Variants in DCAF1 observed in about 807,000 individuals in gnomAD.
DCAF1 encodes the protein DDB1- and CUL4-associated factor 1.
DCAF1 carries 15 observed loss-of-function variants against 128.0 expected under a neutral mutation model. The ratio of observed to expected loss-of-function variants is 0.12; its 90% confidence interval spans 0.08 to 0.18. DCAF1 has a LOEUF of 0.18. Ranked by LOEUF, DCAF1 falls within the 10% of genes least tolerant of loss-of-function variation. The probability of loss-of-function intolerance (pLI) is 1.00; values close to 1 mark genes in which losing one functional copy is unlikely to be tolerated. For missense variants in DCAF1, 988 were observed against 1,649.5 expected (o/e 0.60, Z 6.95); for synonymous variants, 610 against 603.0 (o/e 1.01, Z -0.17).
upstream of DCAF1, among the ~76,000 whole-genome samples, chr3:51,504,075 T>C (rs1197887448): frequency 2.0e-5 from 3 of 150,598 alleles, no homozygotes; most frequent in Non-Finnish European, 3.0e-5. Context: ...TCTGGCTCTG[T>C]CGCCCAGGCT....
In DCAF1 at chr3:51,477,461, C is replaced by CA. The variant is rs1249028437; in HGVS notation, c.110+6257dup. Among the ~76,000 whole-genome samples, 866 of 90,770 alleles carry CA rather than the reference C, an allele frequency of 9.5e-3. 4 individuals are homozygous for CA. Among genetic ancestry groups the CA allele is most frequent in the African/African-American group, 0.023 (554 of 24,252 alleles). The allele number at this position is 90,770 out of a possible 152,430, so 59.5% of individuals were successfully genotyped here. ...GCAACCTGGCAAAATCCTGTCTCTA[C>CA]AAAAAAAAAAAAAAATACAAAAATT... On this transcript the variant is annotated intron_variant, in intron 3 of 24. Coordinates refer to ENST00000684031, the MANE Select transcript of DCAF1 (RefSeq NM_001387579.1).
At chr3:51,412,665 GAA>G (rs1189024281) in intron 22 of DCAF1, among the ~76,000 whole-genome samples, 185 bp from the exon 23 acceptor site, 2 of 152,146 alleles carry the variant, frequency 1.3e-5, no homozygotes, top group South Asian at 4.1e-4. Flanking sequence ...AAAACAGAAT[GAA>G]AAGACTTGGT....
the DCAF1 span, among the ~76,000 whole-genome samples, chr3:51,505,060 G>A: frequency 4.6e-5 from 7 of 152,008 alleles, no homozygotes; most frequent in East Asian, 1.9e-4. Context: ...TCGAGAGTTC[G>A]AGACCAGCCT....
chr3:51,484,483 A>G (rs1706676901), intron 2 of DCAF1, among the ~76,000 whole-genome samples: 2 of 151,888 alleles, frequency 1.3e-5, no homozygotes, highest in Admixed American at 1.3e-4. Context: ...AAAAAGAAAA[A>G]AAAATAGATT....
chr3:51,485,945 G>A (rs977595692), intron 2 of DCAF1, among the ~76,000 whole-genome samples: 2 of 150,396 alleles, frequency 1.3e-5, no homozygotes, highest in South Asian at 2.1e-4. Context: ...AGGCTGGAGC[G>A]CAGTGGCGCC....
chr3:51,500,621 C>T (rs1708754209), upstream of DCAF1, among the ~76,000 whole-genome samples: 1 of 151,876 alleles, frequency 6.6e-6, no homozygotes, highest in South Asian at 2.1e-4. Flanking sequence ...TCACTATGAC[C>T]TCCGCCTCCC....
downstream of DCAF1, chr3:51,396,233 C>T (rs571227665): frequency 2.3e-4 from 67 of 288,106 alleles, no homozygotes; most frequent in Admixed American, 3.5e-3. Context: ...TGCTAGAAAA[C>T]GTGCCTAGAG....
rs2106697267 is a variant in DCAF1 at position 51,397,867 on chromosome 3, T to C, written c.*902A>G. 1 of 167,100 alleles carries C rather than the reference T, an allele frequency of 6.0e-6. No homozygotes were observed. The allele number at this position is 167,100 out of a possible 1,614,324, so 10.4% of individuals were successfully genotyped here. A position where few individuals can be genotyped will look rare whatever the true frequency, so the allele number is the denominator to read the frequency against. ...AACAAAGACAGACTTGTAGTTTATTTTGTATTTTTTTTAAATAAATACACT... is the reference window on the plus strand; with the variant it reads ...AACAAAGACAGACTTGTAGTTTATTCTGTATTTTTTTTAAATAAATACACT... On this transcript the variant is annotated 3_prime_UTR_variant, in exon 25 of 25. Coordinates refer to ENST00000684031, the MANE Select transcript of DCAF1 (RefSeq NM_001387579.1).
At chr3:51,483,575 C>T in intron 3 of DCAF1, 144 bp downstream of exon 3, 1 of 596,520 alleles carries the variant, frequency 1.7e-6, no homozygotes, top group Non-Finnish European at 3.0e-6. Flanking sequence ...CTATGCTATT[C>T]TCCACACCAA....
At position 51,420,134 on chromosome 3, in the gene DCAF1, A is replaced by G. The variant is rs202243426; in HGVS notation, c.2836T>C (p.Ser946Pro). The change falls in exon 15 of 25, where the codon TCT becomes CCT. Residue 946 changes from serine (S) to proline (P), a missense_variant. Physicochemically the swap from Ser to Pro is moderately conservative, Grantham distance 74 (BLOSUM62 -1). Around this residue, in one of 11 missense-constraint regions of DCAF1, gnomAD observed 88 missense variants for 107.7 expected, o/e 0.82. Transcript: ENST00000684031. The surrounding 1 kb of genome is among the most constrained non-coding windows in gnomAD (Gnocchi z 6.5). The part of the protein sequence containing the change: ...PQGPLALPGP[S>P]YAGNSPLIGR... ...ATCAAAGGGGAGTTGCCTGCATAAG[A>G]TGGGCCGGGCAGAGCTAGCGGACCC... 73 of 1,613,896 alleles carry G rather than the reference A, an allele frequency of 4.5e-5. 1 individual carries two copies. Among genetic ancestry groups the G allele is most frequent in the Non-Finnish European group, 3.6e-5 (43 of 1,179,900 alleles).
rs2107352154 is a variant in DCAF1 at position 51,420,706 on chromosome 3, C to T, written c.2264G>A (p.Arg755Gln). ...CACTAGGGCTTTGCAGGCCAGGGCC[C>T]GGATTTGGTCTGCATCTGTGATGGG... ...KMPITDADQI[R>Q]ALACKALVGL... Residue 755 changes from arginine to glutamine, a missense_variant, in exon 15 of 25, where the codon CGG (arginine) becomes CAG (glutamine). Coordinates refer to ENST00000684031, the MANE Select transcript of DCAF1 (RefSeq NM_001387579.1). This position sits in a 1 kb window ranked among gnomAD's most constrained non-coding sequence, Gnocchi z 6.5. 1 of 1,614,032 alleles carries T rather than the reference C, an allele frequency of 6.2e-7. No individual in the cohort carries two copies. Among genetic ancestry groups the T allele is most frequent in the Non-Finnish European group, 8.5e-7 (1 of 1,179,906 alleles).
At chr3:51,446,363 A>G (rs1701853044) in intron 6 of DCAF1, among the ~76,000 whole-genome samples, 1 of 152,190 alleles carries the variant, frequency 6.6e-6, no homozygotes, top group African/African-American at 2.4e-5. Context: ...CTGTAATCCT[A>G]ATGCTTTGGG....
At chr3:51,423,239 C>G (rs1699579535) in intron 13 of DCAF1, among the ~76,000 whole-genome samples, 1 of 152,142 alleles carries the variant, frequency 6.6e-6, no homozygotes. Flanking sequence ...TGCCTGTAAT[C>G]CTAGTGCTTT....
intron 12 of DCAF1, 64 bp from the exon 13 acceptor site, chr3:51,427,605 G>A (rs1700013775): frequency 4.2e-6 from 2 of 472,074 alleles, no homozygotes; most frequent in South Asian, 9.6e-5. Flanking sequence ...CTACCTCCTT[G>A]AGCACAGCTC....
At chr3:51,412,893 T>G (rs1420069156) in intron 22 of DCAF1, 100 bp downstream of exon 22, 2 of 1,521,876 alleles carry the variant, frequency 1.3e-6, no homozygotes, top group Non-Finnish European at 1.8e-6. Flanking sequence ...AGGAATGTAT[T>G]GACTTTACAT....
chr3:51,490,463 TG>T (rs1217139444), intron 2 of DCAF1, among the ~76,000 whole-genome samples: 1 of 152,100 alleles, frequency 6.6e-6, no homozygotes, highest in Non-Finnish European at 1.5e-5. Context: ...ACACAAGACT[TG>T]TATGCTGAAA....
At chr3:51,406,787 T>C (rs1200363532) in intron 23 of DCAF1, among the ~76,000 whole-genome samples, 1 of 152,162 alleles carries the variant, frequency 6.6e-6, no homozygotes, top group Non-Finnish European at 1.5e-5. Flanking sequence ...CAGACACTTT[T>C]CTCATCCCCA....
At chr3:51,433,652 G>C (rs1056378412) in intron 9 of DCAF1, among the ~76,000 whole-genome samples, 2 of 151,292 alleles carry the variant, frequency 1.3e-5, no homozygotes, top group Admixed American at 1.3e-4. Flanking sequence ...TAGTAGAGAC[G>C]GGGTTTCACC....
chr3:51,418,245 G>A, intron 16 of DCAF1, 47 bp from the exon 17 acceptor site: 2 of 1,565,872 alleles, frequency 1.3e-6, no homozygotes, highest in Admixed American at 3.9e-5. Context: ...TTACATACAT[G>A]CAGATGTCAC....
Sources: gnomAD v4.1 joint callset for allele counts (sites outside exome capture counted in the v4.1 genomes callset) on GRCh38, gnomAD v4.1.1 for gene constraint, gnomAD v4.1.1 regional missense constraint, Gnocchi (gnomAD v3.1) non-coding constraint, MANE v1.5 for transcripts, NCBI Gene and HGNC (gene_info 2026-07-23, HGNC 2026-07-21) for gene names.